Variants in CNTNAP5 observed in about 807,000 individuals in gnomAD.
The protein encoded by CNTNAP5 is contactin associated protein family member 5.
CNTNAP5 carries 72 observed loss-of-function variants against 150.2 expected under a neutral mutation model. That is an observed-to-expected ratio of 0.48 (90% CI 0.40 to 0.58). CNTNAP5 has a LOEUF of 0.58. Among genes scored for constraint, CNTNAP5 ranks in the 20% least tolerant of loss-of-function variants. The pLI is 0.00. For synonymous variants in CNTNAP5, 672 were observed against 619.8 expected, an observed-to-expected ratio of 1.08 and a Z score of -1.25; for missense variants, 1,636 against 1,626.2, an observed-to-expected ratio of 1.01 and a Z score of -0.10.
intron 8 of CNTNAP5, among the ~76,000 whole-genome samples, chr2:124,508,341 A>G (rs1333151188): frequency 1.3e-5 from 2 of 152,186 alleles, no homozygotes; most frequent in Non-Finnish European, 2.9e-5. Flanking sequence ...ATATTTTTTC[A>G]TGTTCCAAAT....
chr2:124,182,738 G>C (rs961721920), intron 1 of CNTNAP5, among the ~76,000 whole-genome samples: 2 of 151,988 alleles, frequency 1.3e-5, no homozygotes, highest in African/African-American at 4.8e-5. Flanking sequence ...TTTGCATTTA[G>C]GTCGTTCTTT....
At chr2:124,071,323 C>T (rs1035599529) in intron 1 of CNTNAP5, among the ~76,000 whole-genome samples, 1 of 151,388 alleles carries the variant, frequency 6.6e-6, no homozygotes, top group African/African-American at 2.4e-5. Context: ...CAAACCAAAC[C>T]CAAAATTAGT....
intron 7 of CNTNAP5, among the ~76,000 whole-genome samples, chr2:124,485,612 C>CAAAAAAAAAAAAAAAAAAAAAAAAA (rs576700912): frequency 3.8e-5 from 2 of 52,396 alleles, no homozygotes; most frequent in South Asian, 1.2e-3. Flanking sequence ...GACTCTGTCT[C>CAAAAAAAAAAAAAAAAAAAAAAAAA]AAAAAAAAAA....
chr2:124,204,671 G>A (rs1685817365), intron 1 of CNTNAP5, among the ~76,000 whole-genome samples: 1 of 152,126 alleles, frequency 6.6e-6, no homozygotes, highest in African/African-American at 2.4e-5. Flanking sequence ...CATCTTACAT[G>A]GTGGAAGGCA....
intron 11 of CNTNAP5, among the ~76,000 whole-genome samples, chr2:124,585,011 T>C (rs1696495859): frequency 6.6e-6 from 1 of 152,202 alleles, no homozygotes; most frequent in African/African-American, 2.4e-5. Context: ...GAATACTTGT[T>C]AGCAGGCTCT....
At chr2:124,479,324 T>C (rs1028074475) in intron 7 of CNTNAP5, among the ~76,000 whole-genome samples, 9 of 152,158 alleles carry the variant, frequency 5.9e-5, no homozygotes, top group Middle Eastern at 3.2e-3. Context: ...TGATGCTTTT[T>C]TTGAGCTGTC....
chr2:124,315,505 G>A (rs547294749), intron 3 of CNTNAP5, among the ~76,000 whole-genome samples: 3 of 152,216 alleles, frequency 2.0e-5, no homozygotes, highest in Admixed American at 2.0e-4. Context: ...CACTGGAGCT[G>A]CTCCACTTCT....
In CNTNAP5 at chr2:124,770,643, A is replaced by G. The variant is rs141402298; in HGVS notation, c.2534-2156A>G. Among the ~76,000 whole-genome samples the G allele has an allele frequency of 4.6e-5, 7 of 152,296 alleles. No homozygotes were observed. In the East Asian group the frequency reaches 5.8e-4, roughly 13 times the overall value. ...CTGGTGATCTGAATAAGAAACAGAG[A>G]AAGACTCAAGGGGCCACCTTCACTC... On this transcript the variant is annotated intron_variant, in intron 16 of 23. Coordinates refer to ENST00000682447, the MANE Select transcript of CNTNAP5 (RefSeq NM_001367498.1).
intron 19 of CNTNAP5, among the ~76,000 whole-genome samples, chr2:124,815,140 G>A (rs1167831665): frequency 6.6e-6 from 1 of 152,168 alleles, no homozygotes; most frequent in Non-Finnish European, 1.5e-5. Context: ...TGGGTGTCCA[G>A]CAACATAGGC....
intron 14 of CNTNAP5, among the ~76,000 whole-genome samples, chr2:124,762,766 C>T (rs1163112502): frequency 1.3e-5 from 2 of 152,094 alleles, no homozygotes; most frequent in African/African-American, 4.8e-5. Flanking sequence ...AAGAATGTGG[C>T]ATTGTCCCTG....
At chr2:124,505,805 G>A (rs887119040) in intron 8 of CNTNAP5, among the ~76,000 whole-genome samples, 2 of 152,130 alleles carry the variant, frequency 1.3e-5, no homozygotes, top group African/African-American at 2.4e-5. Flanking sequence ...CCAAGGATTG[G>A]GCAGGGATTG....
chr2:124,770,481 G>C (rs779389014), intron 16 of CNTNAP5, among the ~76,000 whole-genome samples: 9 of 152,140 alleles, frequency 5.9e-5, no homozygotes, highest in Non-Finnish European at 1.0e-4. Context: ...AAAGCTTTTA[G>C]CAAAATCTTT....
At chr2:124,662,007 C>T (rs994785787) in intron 13 of CNTNAP5, among the ~76,000 whole-genome samples, 3 of 152,144 alleles carry the variant, frequency 2.0e-5, no homozygotes, top group Admixed American at 2.0e-4. Context: ...CCCTTGTCTC[C>T]CACCCCCCGA....
intron 6 of CNTNAP5, among the ~76,000 whole-genome samples, chr2:124,469,706 A>G (rs1005066045): frequency 1.3e-5 from 2 of 152,072 alleles, no homozygotes; most frequent in South Asian, 2.1e-4. Flanking sequence ...TCCATTAGCT[A>G]TTCTTCCTGA....
At chr2:124,034,954 T>A (rs1349511280) in intron 1 of CNTNAP5, among the ~76,000 whole-genome samples, 2 of 151,996 alleles carry the variant, frequency 1.3e-5, no homozygotes, top group Non-Finnish European at 2.9e-5. Context: ...AGGTACTGCA[T>A]CATGATGAGT....
At chr2:124,456,541 C>T (rs1401119210) in intron 6 of CNTNAP5, among the ~76,000 whole-genome samples, 1 of 152,098 alleles carries the variant, frequency 6.6e-6, no homozygotes, top group African/African-American at 2.4e-5. Context: ...ATACCACCAT[C>T]ATTCTTCACA....
chr2:124,399,294 T>C (rs1277839456), intron 3 of CNTNAP5, among the ~76,000 whole-genome samples: 1 of 152,208 alleles, frequency 6.6e-6, no homozygotes, highest in Non-Finnish European at 1.5e-5. Context: ...TGCCAAAGGC[T>C]GTCAGTGAGC....
At chr2:124,773,234 G>T (rs574921940) in intron 17 of CNTNAP5, among the ~76,000 whole-genome samples, 19 of 152,226 alleles carry the variant, frequency 1.2e-4, no homozygotes, top group Middle Eastern at 3.4e-3. Context: ...TTTTGAGGTT[G>T]TCCAGATTCT....
chr2:124,875,894 A>G (rs1020020277), intron 21 of CNTNAP5, among the ~76,000 whole-genome samples: 51 of 152,038 alleles, frequency 3.4e-4, no homozygotes, highest in African/African-American at 1.2e-3. Context: ...CAGCTTCAAC[A>G]ATAACAACAA....
Sources: allele counts gnomAD v4.1 joint callset (sites outside exome capture counted in the v4.1 genomes callset), GRCh38; gene constraint gnomAD v4.1.1; transcripts MANE v1.5; gene names NCBI Gene and HGNC (gene_info 2026-07-23, HGNC 2026-07-21).